The following ABCC2 variants were observed in gnomAD, a reference collection of about 807,000 sequenced individuals.
ABCC2 encodes the protein ATP-binding cassette sub-family C member 2.
A neutral mutation model predicts 173.4 loss-of-function variants in ABCC2; 157 were observed. That is an observed-to-expected ratio of 0.91 (90% CI 0.80 to 1.03). The LOEUF (loss-of-function observed/expected upper bound fraction) is 1.03, where lower values mean the gene tolerates loss of function less well. Ranked by LOEUF, ABCC2 falls within the 50% of genes least tolerant of loss-of-function variation. The pLI, the probability that ABCC2 is intolerant of heterozygous loss-of-function variation, is 0.00. For missense variants in ABCC2, 1,822 were observed against 1,852.3 expected (o/e 0.98, Z 0.30); for synonymous variants, 657 against 693.5 (o/e 0.95, Z 0.83).
intron 28 of ABCC2, among the ~76,000 whole-genome samples, chr10:99,845,377 T>C (rs917744817): frequency 2.0e-5 from 3 of 152,180 alleles, no homozygotes; most frequent in East Asian, 1.9e-4. Flanking sequence ...ATAATAATTA[T>C]AACAACAGCT....
chr10:99,786,820 T>C (rs2037718742), intron 2 of ABCC2, among the ~76,000 whole-genome samples: 1 of 152,066 alleles, frequency 6.6e-6, no homozygotes, highest in African/African-American at 2.4e-5. Flanking sequence ...CTGGCCAACA[T>C]GGTGAAACCC....
At chr10:99,782,900 A>G (rs773900892) in intron 1 of ABCC2, 23 bp downstream of exon 1, 2 of 1,612,918 alleles carry the variant, frequency 1.2e-6, no homozygotes, top group South Asian at 1.1e-5. Context: ...ATTTATCTTC[A>G]TATTGACTCT....
chr10:99,851,382 A>AT lies in ABCC2; in HGVS notation c.4509-116dup, dbSNP rs557533644. ...TGATGTGTGTAGCTGTGGCTCATTG[A>AT]TTTTCACTGCTTTGTAGCCTTGTCT... is the stretch of plus-strand genomic sequence containing the variant. On this transcript the variant is annotated intron_variant, in intron 31 of 31. Transcript: ENST00000647814. 24 of 1,193,268 alleles carry AT rather than the reference A, an allele frequency of 2.0e-5. No homozygotes were observed. The East Asian group carries it at 5.6e-4, about 28-fold the overall frequency. The allele number at this position is 1,193,268 out of a possible 1,614,324, so 73.9% of individuals were successfully genotyped here.
At chr10:99,806,073 C>CTCTCTCTG (rs779146023) in intron 11 of ABCC2, among the ~76,000 whole-genome samples, 2,526 of 42,796 alleles carry the variant, frequency 0.059, 28 homozygotes, top group Non-Finnish European at 0.077. Context: ...CTCTCTCTCT[C>CTCTCTCTG]TGTCTGTGTG....
Position 99,812,943 on chromosome 10 carries a change from C to T in ABCC2, c.1968-75C>T, listed in dbSNP as rs570583886. 80 of 1,579,334 alleles carry T rather than the reference C, an allele frequency of 5.1e-5. No homozygotes were observed. In the African/African-American group the frequency reaches 1.0e-3, roughly 20 times the overall value. On this transcript the variant is annotated intron_variant, in intron 15 of 31. Coordinates refer to ENST00000647814, the MANE Select transcript of ABCC2 (RefSeq NM_000392.5). ...CTCCTGATACCAGACTTCATGGAGA[C>T]TCAGAGAAGTGACTTGAACTACTCT... is the stretch of plus-strand genomic sequence containing the variant.
chr10:99,805,553 G>C (rs374374242), intron 11 of ABCC2, 106 bp downstream of exon 11: 1 of 1,170,038 alleles, frequency 8.5e-7, no homozygotes, highest in South Asian at 1.2e-5. Flanking sequence ...CTTCTGGGCC[G>C]GTTGTGTCAC....
intron 19 of ABCC2, among the ~76,000 whole-genome samples, chr10:99,827,962 A>C (rs375698215): frequency 0.011 from 1 of 90 alleles, no homozygotes. Flanking sequence ...GCACCAGATG[A>C]AGGGGTGGGT....
In ABCC2 at chr10:99,834,284, C is replaced by A; in HGVS notation, c.3259-96C>A. 3 of 1,293,654 alleles carry A rather than the reference C, an allele frequency of 2.3e-6. No individual in the cohort carries two copies. In the South Asian group the frequency reaches 3.7e-5, roughly 16 times the overall value. 80.1% of individuals were successfully genotyped at this position (1,293,654 alleles called of 1,614,324 possible). On this transcript the variant is annotated intron_variant, in intron 23 of 31. Coordinates refer to ENST00000647814, the MANE Select transcript of ABCC2 (RefSeq NM_000392.5). ...ATTACATGAAGGAGTACTGGGAACA[C>A]ACAGAATCCAACAGATTCCTTGCTA...
intron 28 of ABCC2, among the ~76,000 whole-genome samples, chr10:99,845,223 G>T (rs536852019): frequency 3.9e-5 from 6 of 152,130 alleles, no homozygotes; most frequent in African/African-American, 1.2e-4. Flanking sequence ...AGTAGAGACG[G>T]GGTTTTGCCA....
chr10:99,825,921 T>C (rs1183762964), intron 19 of ABCC2, among the ~76,000 whole-genome samples: 3 of 152,256 alleles, frequency 2.0e-5, no homozygotes, highest in Non-Finnish European at 2.9e-5. Flanking sequence ...CTGAAAACCC[T>C]GAGGAACAAA....
At chr10:99,799,450 GCTTTT>G in intron 8 of ABCC2, 80 bp downstream of exon 8, 1 of 1,509,090 alleles carries the variant, frequency 6.6e-7, no homozygotes, top group Non-Finnish European at 9.2e-7. Flanking sequence ...GCAAGCAGGA[GCTTTT>G]CTTAAATTCC....
chr10:99,812,981 C>A lies in ABCC2; in HGVS notation c.1968-37C>A, dbSNP rs754215152. ...CTTGAACTACTCTTCAATACCCAAC[C>A]CCTGCTATCTCCTTCAAAGACATTC... On this transcript the variant is annotated intron_variant, in intron 15 of 31. Transcript: ENST00000647814. 1.4e-5 allele frequency: 23 copies of A among 1,612,424 alleles called. No individual in the cohort carries two copies. In the South Asian group the frequency reaches 2.4e-4, roughly 17 times the overall value.
At chr10:99,815,502 G>GAT (rs565754648) in intron 16 of ABCC2, among the ~76,000 whole-genome samples, 6,601 of 150,946 alleles carry the variant, frequency 0.044, 164 homozygotes, top group Middle Eastern at 0.16. Context: ...GGCTAATTAT[G>GAT]CTTTTTTTTT....
rs1191512014 is a variant in ABCC2, at chr10:99,799,305, C to T, written c.966C>T (p.Leu322=). ...KALFKTFYMV[L]LKSFLLKLVN... is the part of the protein sequence containing the mutation. ...TGTTCAAAACTTTCTACATGGTGCTCCTGAAATCATTCCTACTGAAGCTAG... is the reference window on the plus strand; with the variant it reads ...TGTTCAAAACTTTCTACATGGTGCTTCTGAAATCATTCCTACTGAAGCTAG... The change falls in exon 8 of 32, where the codon CTC becomes CTT. Residue 322 remains leucine, a synonymous_variant. Transcript: ENST00000647814. 3.1e-6 allele frequency: 5 copies of T among 1,614,116 alleles called. No individual in the cohort carries two copies. Among genetic ancestry groups the T allele is most frequent in the Non-Finnish European group, 4.2e-6 (5 of 1,180,014 alleles).
chr10:99,825,628 C>G lies in ABCC2; in HGVS notation c.2621-4679C>G, dbSNP rs372162623. ...TCCAAGGAATTGAAGAGCTAATAAC[C>G]AACTGAATTTCGCCTTTATAGTCTG... On this transcript the variant is annotated intron_variant, in intron 19 of 31. Transcript: ENST00000647814. Among the ~76,000 whole-genome samples the G allele has an allele frequency of 9.0e-3, 1,378 of 152,326 alleles. 13 individuals carry two copies. The highest frequency in any genetic ancestry group is 0.044 in the South Asian group (211 of 4,824).
intron 2 of ABCC2, among the ~76,000 whole-genome samples, chr10:99,786,556 C>A (rs1305635630): frequency 2.0e-5 from 3 of 152,138 alleles, no homozygotes; most frequent in Admixed American, 1.3e-4. Context: ...ATGTACATAC[C>A]ATACAGTTCT....
At chr10:99,801,215 T>TTTG (rs1007815039) in intron 9 of ABCC2, among the ~76,000 whole-genome samples, 15 of 152,000 alleles carry the variant, frequency 9.9e-5, no homozygotes, top group South Asian at 6.2e-4. Context: ...TGATACATTG[T>TTTG]TTGTTGTTGT....
chr10:99,851,555 T>G lies in ABCC2; in HGVS notation c.4562T>G (p.Leu1521Arg), dbSNP rs747747906. The G allele has an allele frequency of 3.7e-6, 6 of 1,614,022 alleles. No individual in the cohort carries two copies. The African/African-American group carries it at 8.0e-5, about 22-fold the overall frequency. The change falls in exon 32 of 32, where the codon CTG becomes CGG. Residue 1521 changes from leucine to arginine, a missense_variant. Physicochemically the swap from Leu to Arg is moderately radical, Grantham distance 102. Transcript: ENST00000647814. ...KIIECGSPEE[L>R]LQIPGPFYFM... is the part of the protein sequence containing the mutation. ...ATAGAGTGCGGCAGCCCTGAAGAAC[T>G]GCTACAAATCCCTGGACCCTTTTAC...
chr10:99,834,555 A>G lies in ABCC2; in HGVS notation c.3414+20A>G. ...GTTCAGGTAGGTTTGGAAATGGCTA[A>G]GTCATCCTTCCTTCCTCTCTATCTA... On this transcript the variant is annotated intron_variant, in intron 24 of 31. Coordinates refer to ENST00000647814, the MANE Select transcript of ABCC2 (RefSeq NM_000392.5). The G allele has an allele frequency of 6.2e-7, 1 of 1,612,452 alleles. No individual in the cohort carries two copies. The highest frequency in any genetic ancestry group is 8.5e-7 in the Non-Finnish European group (1 of 1,178,462).
Sources: gnomAD v4.1 joint callset for allele counts (sites outside exome capture counted in the v4.1 genomes callset) on GRCh38, gnomAD v4.1.1 for gene constraint, MANE v1.5 for transcripts, NCBI Gene and HGNC (gene_info 2026-07-23, HGNC 2026-07-21) for gene names.